Variants in AGO2 observed in about 807,000 individuals in gnomAD.
AGO2 encodes the protein argonaute RISC catalytic component 2, also known as protein argonaute-2.
Under a neutral mutation model 102.3 loss-of-function variants are expected in AGO2, and 5 were observed. The ratio of observed to expected loss-of-function variants is 0.05; its 90% confidence interval spans 0.03 to 0.10. The LOEUF is 0.10. Among genes scored for constraint, AGO2 ranks in the 10% least tolerant of loss-of-function variants. The pLI is 1.00. For synonymous variants in AGO2, 449 were observed against 473.1 expected (o/e 0.95, Z 0.66); for missense variants, 541 against 1,183.7 (o/e 0.46, Z 7.97).
intron 1 of AGO2, among the ~76,000 whole-genome samples, chr8:140,617,380 T>C (rs1278088741): frequency 1.3e-5 from 2 of 152,032 alleles, no homozygotes; most frequent in Non-Finnish European, 1.5e-5. Flanking sequence ...GCCTCCTGAA[T>C]AGCTGGGACT....
At chr8:140,640,545 G>C (rs1415871661), upstream of AGO2, among the ~76,000 whole-genome samples, 2 of 151,572 alleles carry the variant, frequency 1.3e-5, no homozygotes, top group African/African-American at 4.9e-5. Context: ...TTGAGATGGA[G>C]TCTCGCTCTG....
chr8:140,533,370 C>T (rs1470657271), intron 17 of AGO2, among the ~76,000 whole-genome samples: 6 of 116,762 alleles, frequency 5.1e-5, no homozygotes, highest in African/African-American at 1.4e-4. Flanking sequence ...GCCTAGGGGA[C>T]AGAGTGAGAC....
chr8:140,641,919 A>G, the AGO2 span, among the ~76,000 whole-genome samples: 1 of 152,158 alleles, frequency 6.6e-6, no homozygotes. Flanking sequence ...GCACATACCT[A>G]TAGTCTCAGC....
At chr8:140,608,275 G>T (rs781185255) in intron 1 of AGO2, among the ~76,000 whole-genome samples, 1 of 152,172 alleles carries the variant, frequency 6.6e-6, no homozygotes, top group Non-Finnish European at 1.5e-5. Flanking sequence ...AGCACGCTCC[G>T]GTCTCCTGTC....
chr8:140,597,942 C>A (rs1486791172), intron 1 of AGO2, among the ~76,000 whole-genome samples: 2 of 152,234 alleles, frequency 1.3e-5, no homozygotes, highest in African/African-American at 4.8e-5. Flanking sequence ...CCACCAGGGG[C>A]CTCACAGTAG....
At chr8:140,538,732 C>T (rs977469815) in intron 16 of AGO2, among the ~76,000 whole-genome samples, 3 of 152,202 alleles carry the variant, frequency 2.0e-5, no homozygotes, top group African/African-American at 7.2e-5. Context: ...TTTTTCAGAG[C>T]CACCTCTTTT....
At chr8:140,568,286 G>GAAAAAAAA (rs2073323121) in intron 3 of AGO2, among the ~76,000 whole-genome samples, 2 of 34,324 alleles carry the variant, frequency 5.8e-5, no homozygotes, top group Non-Finnish European at 4.5e-5. Flanking sequence ...CATGTCTGGG[G>GAAAAAAAA]GAAAAAAAAA....
intron 17 of AGO2, among the ~76,000 whole-genome samples, chr8:140,533,815 A>C (rs1025774463): frequency 1.2e-4 from 18 of 152,130 alleles, no homozygotes; most frequent in South Asian, 1.0e-3. Context: ...TAAAAAAAAA[A>C]AACAACAACA....
At chr8:140,575,292 C>T (rs2073447103) in intron 2 of AGO2, among the ~76,000 whole-genome samples, 1 of 151,614 alleles carries the variant, frequency 6.6e-6, no homozygotes, top group African/African-American at 2.4e-5. Context: ...CCCTGGCAGC[C>T]AGGGCACAAT....
chr8:140,632,997 C>T (rs947378445), intron 1 of AGO2, among the ~76,000 whole-genome samples: 5 of 151,650 alleles, frequency 3.3e-5, no homozygotes, highest in South Asian at 2.1e-4. Flanking sequence ...ACTGCAACCT[C>T]TGCCTCAAGG....
At position 140,622,666 on chromosome 8, in the gene AGO2, T is replaced by C. The variant is rs6985853; in HGVS notation, c.22+12819A>G. On this transcript the variant is annotated intron_variant, in intron 1 of 18. Coordinates refer to ENST00000220592, the MANE Select transcript of AGO2 (RefSeq NM_012154.5). ...GAATAATCCACATGGGGTCTCCTCT[T>C]GGGGGAATAATGCACATGGGGTCTC... Among the ~76,000 whole-genome samples the C allele has an allele frequency of 7.3e-3, 21 of 2,858 alleles. 3 individuals carry two copies. Among genetic ancestry groups the C allele is most frequent in the Admixed American group, 0.027 (3 of 112 alleles). The allele number at this position is 2,858 out of a possible 152,430, so 1.9% of individuals were successfully genotyped here.
At chr8:140,626,185 A>G (rs1175120564) in intron 1 of AGO2, among the ~76,000 whole-genome samples, 3 of 151,934 alleles carry the variant, frequency 2.0e-5, no homozygotes, top group Non-Finnish European at 4.4e-5. Flanking sequence ...GGTCCCCAAG[A>G]GCTGTCGGGG....
chr8:140,609,052 G>A (rs2074041347), intron 1 of AGO2, among the ~76,000 whole-genome samples: 1 of 152,200 alleles, frequency 6.6e-6, no homozygotes, highest in South Asian at 2.1e-4. Context: ...AGCATCTCTT[G>A]GAGGCTCAGC....
chr8:140,567,933 C>T lies in AGO2; in HGVS notation c.336+4879G>A, dbSNP rs576011328. ...TTGAGCTCAGGAGTTGCAGACCAGC[C>T]CGGGCAATGTGGCAAAACTCTGTCC... On this transcript the variant is annotated intron_variant, in intron 3 of 18. Coordinates refer to ENST00000220592, the MANE Select transcript of AGO2 (RefSeq NM_012154.5). This position sits in a 1 kb window ranked among gnomAD's most constrained non-coding sequence, Gnocchi z 5.0. Among the ~76,000 whole-genome samples, 1 of 152,030 alleles carries T rather than the reference C, an allele frequency of 6.6e-6. No homozygotes were observed. Among genetic ancestry groups the T allele is most frequent in the African/African-American group, 2.4e-5 (1 of 41,476 alleles).
At chr8:140,535,386 G>T in intron 17 of AGO2, 82 bp downstream of exon 17, 3 of 1,430,752 alleles carry the variant, frequency 2.1e-6, no homozygotes, top group South Asian at 1.1e-5. Flanking sequence ...CCACGTGCCA[G>T]CCAGAGTGCA....
chr8:140,534,992 C>T lies in AGO2; in HGVS notation c.2271+476G>A, dbSNP rs1189727580. On this transcript the variant is annotated intron_variant, in intron 17 of 18. Coordinates refer to ENST00000220592, the MANE Select transcript of AGO2 (RefSeq NM_012154.5). ...CACCATGGCCACCTTCTCTGAGCAC[C>T]CAGTCCTTGGCTGGAGCCTGGCCCT... Among the ~76,000 whole-genome samples, 3 of 152,220 alleles carry T rather than the reference C, an allele frequency of 2.0e-5. No homozygotes were observed. In the East Asian group the frequency reaches 5.8e-4, roughly 29 times the overall value.
At chr8:140,606,661 G>T (rs1411988554) in intron 1 of AGO2, among the ~76,000 whole-genome samples, 1 of 152,232 alleles carries the variant, frequency 6.6e-6, no homozygotes, top group African/African-American at 2.4e-5. Flanking sequence ...AATTGGCTGG[G>T]CGCGGTGGCT....
intron 2 of AGO2, among the ~76,000 whole-genome samples, chr8:140,574,904 G>A (rs1236541795): frequency 6.6e-6 from 1 of 152,160 alleles, no homozygotes; most frequent in Non-Finnish European, 1.5e-5. Context: ...GCAAGAACCT[G>A]CCAACTCCTT....
chr8:140,563,013 C>T (rs1211383302), intron 3 of AGO2, among the ~76,000 whole-genome samples: 2 of 152,162 alleles, frequency 1.3e-5, no homozygotes, highest in African/African-American at 2.4e-5. Flanking sequence ...CTGCCGTCAC[C>T]TGCAAGCCCC....
Sources: allele counts gnomAD v4.1 joint callset (sites outside exome capture counted in the v4.1 genomes callset), GRCh38; gene constraint gnomAD v4.1.1; non-coding constraint Gnocchi (gnomAD v3.1); transcripts MANE v1.5; gene names NCBI Gene and HGNC (gene_info 2026-07-23, HGNC 2026-07-21).